CASKIN2: variants seen among roughly 807,000 people sequenced by gnomAD.
CASKIN2 encodes caskin-2.
In CASKIN2, 41 loss-of-function variants were observed where a neutral mutation model predicts 107.1. The observed-to-expected ratio is 0.38, with a 90% CI of 0.30 to 0.50. The LOEUF is 0.50. CASKIN2 is among the 20% of genes least tolerant of loss of function. The pLI, the probability that CASKIN2 is intolerant of heterozygous loss-of-function variation, is 0.92. For missense variants in CASKIN2, 1,546 were observed against 1,657.4 expected (o/e 0.93, Z 1.17); for synonymous variants, 724 against 705.6 (o/e 1.03, Z -0.41).
chr17:75,502,137 G>C lies in CASKIN2; in HGVS notation c.2937C>G (p.Gly979=). The C allele has an allele frequency of 1.2e-6, 2 of 1,604,264 alleles. No individual in the cohort carries two copies. Among genetic ancestry groups the C allele is most frequent in the Non-Finnish European group, 1.7e-6 (2 of 1,179,778 alleles). ...PPPRETPVPP[G]LDFNLTESDT... ...CTGATTCCGTGAGGTTGAAATCGAG[G>C]CCGGGGGGCACGGGTGTCTCTCGGG... The change falls in exon 18 of 20, where the codon GGC becomes GGG. Residue 979 remains glycine, a synonymous_variant. Coordinates refer to ENST00000321617, the MANE Select transcript of CASKIN2 (RefSeq NM_020753.5). This position sits in a 1 kb window ranked among gnomAD's most constrained non-coding sequence, Gnocchi z 4.3.
chr17:75,515,469 A>C lies in CASKIN2; in HGVS notation c.-473T>G, dbSNP rs1598472196. 6.7e-6 allele frequency: 1 copy of C among 148,796 alleles called. No homozygotes were observed. Among genetic ancestry groups the C allele is most frequent in the Non-Finnish European group, 1.5e-5 (1 of 67,410 alleles). The allele number at this position is 148,796 out of a possible 1,614,324, so 9.2% of individuals were successfully genotyped here. On this transcript the variant is annotated 5_prime_UTR_variant, in exon 1 of 20. Transcript: ENST00000321617. ...CCTGGCACTCAGGACGGTGGCTCCC[A>C]CTCCCCCCTGCCCCCCTTTCTCCTT...
rs1340742952 is a variant in CASKIN2 at position 75,500,885 on chromosome 17, AG to A, written c.*194del. The stretch of plus-strand genomic sequence containing the variant: ...TGAGATGCAGCGGAGGTCCCTCGCT[AG>A]TCAGGTTCTAAGGTGGGCTGCCCCA... On this transcript the variant is annotated 3_prime_UTR_variant, in exon 20 of 20. Coordinates refer to ENST00000321617, the MANE Select transcript of CASKIN2 (RefSeq NM_020753.5). 2 of 581,458 alleles carry A rather than the reference AG, an allele frequency of 3.4e-6. No homozygotes were observed. Among genetic ancestry groups the A allele is most frequent in the Middle Eastern group, 4.6e-4 (1 of 2,174 alleles). The allele number at this position is 581,458 out of a possible 1,614,324, so 36.0% of individuals were successfully genotyped here.
Position 75,514,162 on chromosome 17 carries a change from G to A in CASKIN2, c.-358C>T, listed in dbSNP as rs552948470. On this transcript the variant is annotated 5_prime_UTR_variant, in exon 2 of 20. Transcript: ENST00000321617. ...CCAGTGCCCACCCAGAGAGCAGCCAGCATTCCCTTGGGCCTCAGGCAGCAG... is the reference window on the plus strand; with the variant it reads ...CCAGTGCCCACCCAGAGAGCAGCCAACATTCCCTTGGGCCTCAGGCAGCAG... The A allele has an allele frequency of 2.2e-4, 116 of 521,310 alleles. 2 individuals are homozygous for A. The South Asian group carries it at 3.2e-3, about 14-fold the overall frequency. The allele number at this position is 521,310 out of a possible 1,614,324, so 32.3% of individuals were successfully genotyped here.
chr17:75,504,185 G>A (rs1324140275), intron 14 of CASKIN2, 30 bp downstream of exon 14: 2 of 1,545,742 alleles, frequency 1.3e-6, no homozygotes, highest in Non-Finnish European at 1.8e-6. Context: ...TCCCCCCCGA[G>A]GCCCACGGTG....
At chr17:75,507,467 G>A (rs879167312) in intron 4 of CASKIN2, 117 bp downstream of exon 4, 19 of 747,012 alleles carry the variant, frequency 2.5e-5, no homozygotes, top group African/African-American at 8.8e-5. Flanking sequence ...GCCCAGAGAC[G>A]CTGTGCTAGC....
At chr17:75,510,724 G>A (rs373873521) in intron 2 of CASKIN2, among the ~76,000 whole-genome samples, 79 of 152,158 alleles carry the variant, frequency 5.2e-4, no homozygotes, top group African/African-American at 1.8e-3. Context: ...CTGAATAGGC[G>A]GGACTACAGG....
rs2053218720 is a variant in CASKIN2, at chr17:75,502,923, T to C, written c.2151A>G (p.Pro717=). 1 of 1,562,346 alleles carries C rather than the reference T, an allele frequency of 6.4e-7. No individual in the cohort carries two copies. Among genetic ancestry groups the C allele is most frequent in the Admixed American group, 1.8e-5 (1 of 55,422 alleles). ...GSGHSQEQPA[P]QPSGGDPSPP... Reference sequence around the variant, plus strand: ...GGCTGGGATCTCCACCGCTGGGCTGTGGGGCAGGCTGTTCCTGTGAGTGGC... The same window carrying C: ...GGCTGGGATCTCCACCGCTGGGCTGCGGGGCAGGCTGTTCCTGTGAGTGGC... Residue 717 remains proline (P), a synonymous_variant, in exon 18 of 20, where the codon CCA becomes CCG. Transcript: ENST00000321617. The surrounding 1 kb of genome is among the most constrained non-coding windows in gnomAD (Gnocchi z 4.3).
Position 75,505,513 on chromosome 17 carries a change from A to T in CASKIN2, c.930+44T>A, listed in dbSNP as rs991673287. ...AGCAGGTGCCCAAATAAGTAACAGC[A>T]ATCATTTGTATTTGCAAAGGAATGC... is the stretch of plus-strand genomic sequence containing the variant. On this transcript the variant is annotated intron_variant, in intron 10 of 19. Coordinates refer to ENST00000321617, the MANE Select transcript of CASKIN2 (RefSeq NM_020753.5). The surrounding 1 kb of genome is among the most constrained non-coding windows in gnomAD (Gnocchi z 5.1). 5.7e-6 allele frequency: 9 copies of T among 1,577,880 alleles called. No individual in the cohort carries two copies. The highest frequency in any genetic ancestry group is 7.0e-6 in the Non-Finnish European group (8 of 1,148,058).
At chr17:75,514,541 G>A (rs926605459) in intron 1 of CASKIN2, among the ~76,000 whole-genome samples, 1 of 152,168 alleles carries the variant, frequency 6.6e-6, no homozygotes, top group East Asian at 1.9e-4. Context: ...GTTCTCCACA[G>A]CCCGAGGCTC....
At position 75,505,650 on chromosome 17, in the gene CASKIN2, C is replaced by T; in HGVS notation, c.837G>A (p.Glu279=). 6.2e-7 allele frequency: 1 copy of T among 1,612,840 alleles called. No homozygotes were observed. Reference sequence around the variant, plus strand: ...CTCGGACCTTCAGGATCCCTGAGGCCTCTAAGAAAACGGGGTGGGGGACAG... The same window carrying T: ...CTCGGACCTTCAGGATCCCTGAGGCTTCTAAGAAAACGGGGTGGGGGACAG... ...ASREIKQLLR[E]ASGILKVRAL... The change falls in exon 10 of 20, where the codon GAG becomes GAA. Residue 279 remains glutamate, a splice_region_variant and synonymous_variant. Coordinates refer to ENST00000321617, the MANE Select transcript of CASKIN2 (RefSeq NM_020753.5). The surrounding 1 kb of genome is among the most constrained non-coding windows in gnomAD (Gnocchi z 5.1).
chr17:75,511,354 A>G (rs528893376), intron 2 of CASKIN2, among the ~76,000 whole-genome samples: 2 of 152,138 alleles, frequency 1.3e-5, no homozygotes, highest in Admixed American at 6.5e-5. Context: ...AAAGAAAAGA[A>G]CAGAACAATC....
At chr17:75,513,593 G>A in intron 2 of CASKIN2, 118 bp downstream of exon 2, 2 of 857,112 alleles carry the variant, frequency 2.3e-6, no homozygotes, top group South Asian at 3.1e-5. Flanking sequence ...TTCTTACTGA[G>A]AACAAGACAG....
intron 2 of CASKIN2, chr17:75,509,497 T>C (rs1159498164): frequency 1.1e-6 from 1 of 893,228 alleles, no homozygotes; most frequent in African/African-American, 1.8e-5. Context: ...AGGGCCAAAC[T>C]GAAGGACACT....
Position 75,505,615 on chromosome 17 carries a change from T to C in CASKIN2, c.872A>G (p.Asp291Gly), listed in dbSNP as rs1251685333. 2.5e-6 allele frequency: 4 copies of C among 1,613,238 alleles called. No individual in the cohort carries two copies. In the East Asian group the frequency reaches 6.7e-5, roughly 27 times the overall value. The change falls in exon 10 of 20, where the codon GAT becomes GGT. Residue 291 changes from aspartate (D) to glycine (G), a missense_variant. Asp to Gly is a moderately conservative substitution (Grantham distance 94). This residue lies in a region of CASKIN2 where 1,311 missense variants were observed against 1,311.0 expected (regional missense o/e 1.00). Transcript: ENST00000321617. The surrounding 1 kb of genome is among the most constrained non-coding windows in gnomAD (Gnocchi z 5.1). ...AGTGGGATCGTGGAGGTTCCAGAAA[T>C]CCTTGAGCGCTCGGACCTTCAGGAT... ...SGILKVRALK[D>G]FWNLHDPTAL...
chr17:75,510,088 TG>T, intron 2 of CASKIN2, among the ~76,000 whole-genome samples: 1 of 152,258 alleles, frequency 6.6e-6, no homozygotes. Context: ...GGCCTGGCGC[TG>T]GGGGTGGAAG....
At position 75,504,887 on chromosome 17, in the gene CASKIN2, G is replaced by T; in HGVS notation, c.1117C>A (p.Pro373Thr). 1 of 1,610,512 alleles carries T rather than the reference G, an allele frequency of 6.2e-7. No homozygotes were observed. Among genetic ancestry groups the T allele is most frequent in the South Asian group, 1.1e-5 (1 of 90,906 alleles). The change falls in exon 11 of 20, where the codon CCT (proline) becomes ACT (threonine). Residue 373 changes from proline (P) to threonine (T), a missense_variant. Pro to Thr is a conservative substitution (Grantham distance 38). Coordinates refer to ENST00000321617, the MANE Select transcript of CASKIN2 (RefSeq NM_020753.5). ...GGGTGCGGGGGTTCTTCGGCAGGAG[G>T]CTGCGGTGTCCGGGAGAAGCCTGGG... ...LRPGFSRTPQ[P>T]PAEEPPHPLT...
At position 75,503,254 on chromosome 17, in the gene CASKIN2, C is replaced by T; in HGVS notation, c.1820G>A (p.Gly607Glu). The part of the protein sequence containing the change: ...ELQEIGVNKL[G>E]HQKKLMLGVK... ...CCCCAGCATGAGCTTCTTCTGATGC[C>T]CTGAGATGGGGGACGGAAGTGGCAA... Residue 607 changes from glycine to glutamate, a missense_variant and splice_region_variant, in exon 18 of 20, where the codon GGG (glycine) becomes GAG (glutamate). This residue lies in a region of CASKIN2 where 1,311 missense variants were observed against 1,311.0 expected (regional missense o/e 1.00). Transcript: ENST00000321617. 6.3e-7 allele frequency: 1 copy of T among 1,584,328 alleles called. No individual in the cohort carries two copies.
At chr17:75,501,424 G>GT (rs2053181888) in intron 19 of CASKIN2, 44 bp downstream of exon 19, 1 of 1,564,430 alleles carries the variant, frequency 6.4e-7, no homozygotes, top group East Asian at 2.3e-5. Context: ...AGGGAGCACT[G>GT]TTTCTCTGCA....
At chr17:75,510,649 G>C (rs758244078) in intron 2 of CASKIN2, among the ~76,000 whole-genome samples, 36 of 152,052 alleles carry the variant, frequency 2.4e-4, no homozygotes, top group Non-Finnish European at 3.5e-4. Context: ...GGAGTGTAGT[G>C]GCACGATCTC....
Sources: gnomAD v4.1 joint callset for allele counts (sites outside exome capture counted in the v4.1 genomes callset) on GRCh38, gnomAD v4.1.1 for gene constraint, gnomAD v4.1.1 regional missense constraint, Gnocchi (gnomAD v3.1) non-coding constraint, MANE v1.5 for transcripts, NCBI Gene and HGNC (gene_info 2026-07-23, HGNC 2026-07-21) for gene names.